PDE4D: variants seen among roughly 807,000 people sequenced by gnomAD.
The protein encoded by PDE4D is phosphodiesterase 4D, also known as 3',5'-cyclic-AMP phosphodiesterase 4D.
PDE4D carries 24 observed loss-of-function variants against 87.4 expected under a neutral mutation model. The ratio of observed to expected loss-of-function variants is 0.27; its 90% confidence interval spans 0.20 to 0.39. The LOEUF is 0.39. Among genes scored for constraint, PDE4D ranks in the 10% least tolerant of loss-of-function variants. The pLI, the probability that PDE4D is intolerant of heterozygous loss-of-function variation, is 1.00. For synonymous variants in PDE4D, 384 were observed against 383.2 expected, an observed-to-expected ratio of 1.00 and a Z score of -0.02; for missense variants, 714 against 1,041.0, an observed-to-expected ratio of 0.69 and a Z score of 4.32.
intron 1 of PDE4D, among the ~76,000 whole-genome samples, chr5:60,285,695 T>C (rs1431201222): frequency 6.6e-6 from 1 of 152,180 alleles, no homozygotes; most frequent in Non-Finnish European, 1.5e-5. Context: ...AAAGAGATAC[T>C]ACCTTACCAG....
chr5:60,040,648 C>G (rs1379096867), intron 2 of PDE4D, among the ~76,000 whole-genome samples: 1 of 151,918 alleles, frequency 6.6e-6, no homozygotes, highest in East Asian at 1.9e-4. Flanking sequence ...ATAAAATGAC[C>G]AATTGTGTAC....
At chr5:59,265,697 G>A (rs932551748) in intron 1 of PDE4D, among the ~76,000 whole-genome samples, 3 of 151,912 alleles carry the variant, frequency 2.0e-5, no homozygotes, top group African/African-American at 4.8e-5. Context: ...GAAAATATGC[G>A]AATCATGAAA....
At chr5:60,486,175 G>T (rs1749122825) in intron 1 of PDE4D, among the ~76,000 whole-genome samples, 1 of 152,148 alleles carries the variant, frequency 6.6e-6, no homozygotes, top group Admixed American at 6.5e-5. Context: ...CTTACTCTTA[G>T]ATGGGCTCCA....
At chr5:59,444,631 T>C (rs1404508285) in intron 1 of PDE4D, among the ~76,000 whole-genome samples, 3 of 151,964 alleles carry the variant, frequency 2.0e-5, no homozygotes, top group African/African-American at 7.2e-5. Flanking sequence ...GCTAACACGG[T>C]GAAACCCCGT....
At chr5:59,666,591 T>C (rs771819848) in intron 1 of PDE4D, among the ~76,000 whole-genome samples, 1 of 152,240 alleles carries the variant, frequency 6.6e-6, no homozygotes, top group Non-Finnish European at 1.5e-5. Flanking sequence ...TACAGTTCCG[T>C]CACTGCATTT....
intron 5 of PDE4D, among the ~76,000 whole-genome samples, chr5:59,130,861 T>C (rs1237399743): frequency 6.6e-6 from 1 of 152,214 alleles, no homozygotes; most frequent in African/African-American, 2.4e-5. Context: ...TTCAAGTGAA[T>C]GGAAAGAAAA....
At chr5:59,237,785 GTGTGTGTGTGTGTGT>G (rs1756790524) in intron 1 of PDE4D, among the ~76,000 whole-genome samples, 317 of 147,046 alleles carry the variant, frequency 2.2e-3, no homozygotes, top group African/African-American at 6.3e-3. Context: ...TCATATAGGT[GTGTGTGTGTGTGTGT>G]GTGTGTGTGT....
chr5:59,130,782 C>G, intron 5 of PDE4D, among the ~76,000 whole-genome samples: 1 of 152,208 alleles, frequency 6.6e-6, no homozygotes, highest in East Asian at 1.9e-4. Flanking sequence ...CCTTACCTAC[C>G]TAGTAAAAAT....
At chr5:60,407,999 A>G (rs1741709237) in intron 1 of PDE4D, among the ~76,000 whole-genome samples, 1 of 152,054 alleles carries the variant, frequency 6.6e-6, no homozygotes, top group South Asian at 2.1e-4. Flanking sequence ...TGGAACTCGT[A>G]TGCTTGGAGT....
At chr5:60,120,481 CAG>C (rs1305779088) in intron 2 of PDE4D, among the ~76,000 whole-genome samples, 3 of 152,076 alleles carry the variant, frequency 2.0e-5, no homozygotes, top group African/African-American at 4.8e-5. Context: ...GGGTGATCTG[CAG>C]AGTCAGACTC....
intron 5 of PDE4D, among the ~76,000 whole-genome samples, chr5:59,113,626 G>T (rs1176604837): frequency 6.6e-6 from 1 of 152,160 alleles, no homozygotes; most frequent in Non-Finnish European, 1.5e-5. Context: ...AAGCGAAGTG[G>T]TACACTCTGG....
chr5:59,527,547 G>C (rs1813384646), intron 1 of PDE4D, among the ~76,000 whole-genome samples: 1 of 152,158 alleles, frequency 6.6e-6, no homozygotes, highest in African/African-American at 2.4e-5. Context: ...TCACTGCAAA[G>C]TAAAATAAGA....
chr5:60,068,374 T>G (rs1772336694), intron 2 of PDE4D, among the ~76,000 whole-genome samples: 1 of 152,164 alleles, frequency 6.6e-6, no homozygotes, highest in Non-Finnish European at 1.5e-5. Context: ...ATGTCTTCTT[T>G]GAAGAAATGT....
intron 1 of PDE4D, among the ~76,000 whole-genome samples, chr5:59,625,142 C>T (rs1830748545): frequency 1.3e-5 from 2 of 152,154 alleles, no homozygotes; most frequent in South Asian, 4.2e-4. Flanking sequence ...TCCTATAAAA[C>T]CTATAAAAGC....
intron 1 of PDE4D, among the ~76,000 whole-genome samples, chr5:60,240,209 T>C (rs1222853018): frequency 1.3e-5 from 2 of 152,132 alleles, no homozygotes; most frequent in African/African-American, 4.8e-5. Context: ...TTATTATTAA[T>C]AATATTTACT....
At chr5:58,999,715 C>T (rs1750082025) in intron 6 of PDE4D, 6 of 1,067,636 alleles carry the variant, frequency 5.6e-6, no homozygotes, top group South Asian at 4.5e-5. Context: ...CCCATCCAGC[C>T]GTCTTCCCAT....
chr5:59,276,143 A>G (rs1581722502), intron 1 of PDE4D: 1 of 942,122 alleles, frequency 1.1e-6, no homozygotes, highest in Non-Finnish European at 1.3e-6. Flanking sequence ...AAAAAAAAAA[A>G]GAAAAGCCCA....
intron 2 of PDE4D, among the ~76,000 whole-genome samples, chr5:60,018,574 T>A (rs1390611960): frequency 2.6e-5 from 4 of 152,172 alleles, no homozygotes; most frequent in Admixed American, 2.6e-4. Context: ...GACACATCAG[T>A]GTGCTGTATT....
rs76750579 is a variant in PDE4D, at chr5:60,469,296, G to A, written c.-90+18646C>T. On this transcript the variant is annotated intron_variant, in intron 1 of 16. Coordinates refer to the PDE4D transcript ENST00000502484. ...CCTTTCCTTCACTCCACCCCCTCCT[G>A]TTCTGTCTCCTACCTCTCTGACTGC... Among the ~76,000 whole-genome samples the A allele has an allele frequency of 5.1e-3, 772 of 152,036 alleles. 9 individuals are homozygous for A. Among genetic ancestry groups the A allele is most frequent in the African/African-American group, 0.017 (717 of 41,452 alleles).
Sources: allele counts gnomAD v4.1 joint callset (sites outside exome capture counted in the v4.1 genomes callset), GRCh38; gene constraint gnomAD v4.1.1; transcripts MANE v1.5; gene names NCBI Gene and HGNC (gene_info 2026-07-23, HGNC 2026-07-21).